The following LY75 variants were observed in gnomAD, a reference collection of about 807,000 sequenced individuals.
LY75 encodes the protein C-type lectin domain family 13 member B.
A neutral mutation model predicts 231.7 loss-of-function variants in LY75; 185 were observed. That is an observed-to-expected ratio of 0.80 (90% CI 0.71 to 0.90). LY75 has a LOEUF of 0.90. LY75 is among the 40% of genes least tolerant of loss of function. The probability of loss-of-function intolerance (pLI) is 0.00; values close to 1 mark genes in which losing one functional copy is unlikely to be tolerated. For synonymous variants in LY75, 668 were observed against 689.0 expected, an observed-to-expected ratio of 0.97 and a Z score of 0.48; for missense variants, 1,947 against 2,050.2, an observed-to-expected ratio of 0.95 and a Z score of 0.97.
intron 28 of LY75, among the ~76,000 whole-genome samples, chr2:159,824,219 C>T (rs1348413011): frequency 2.6e-5 from 4 of 152,092 alleles, no homozygotes; most frequent in African/African-American, 9.7e-5. Flanking sequence ...GGAGACCCAC[C>T]TCATGTGCAA....
At chr2:159,878,525 T>C (rs1560096780) in intron 10 of LY75, 32 bp from the exon 11 acceptor site, 2 of 1,613,042 alleles carry the variant, frequency 1.2e-6, no homozygotes, top group East Asian at 4.5e-5. Flanking sequence ...GGCAAGTGTT[T>C]CACAATGATT....
chr2:159,826,121 G>A (rs758140230), intron 28 of LY75, among the ~76,000 whole-genome samples: 4 of 152,236 alleles, frequency 2.6e-5, no homozygotes, highest in African/African-American at 4.8e-5. Flanking sequence ...TCTGGCAAGA[G>A]AAAGAAATGA....
chr2:159,894,214 G>A (rs1685843061), intron 2 of LY75, 130 bp from the exon 3 acceptor site: 24 of 1,163,336 alleles, frequency 2.1e-5, no homozygotes, highest in Non-Finnish European at 2.8e-5. Flanking sequence ...GGAATTCAGA[G>A]CATGGGTGCT....
rs570302389 is a variant in LY75 at position 159,842,062 on chromosome 2, A to G, written c.3280+183T>C. ...AATTTTTTCGGCTTTTATTTTAGAT[A>G]CAGGGGGTACATGTGTAGGATTGTT... On this transcript the variant is annotated intron_variant, in intron 24 of 34. Transcript: ENST00000263636. Among the ~76,000 whole-genome samples the G allele has an allele frequency of 2.0e-5, 3 of 152,220 alleles. 1 individual carries two copies. In the South Asian group the frequency reaches 6.2e-4, roughly 32 times the overall value.
In LY75 at chr2:159,815,589, T is replaced by C. The variant is rs1683100119; in HGVS notation, c.4381-16A>G. The C allele has an allele frequency of 6.2e-7, 1 of 1,605,596 alleles. No homozygotes were observed. Among genetic ancestry groups the C allele is most frequent in the African/African-American group, 1.3e-5 (1 of 74,400 alleles). On this transcript the variant is annotated splice_polypyrimidine_tract_variant and intron_variant, in intron 30 of 34. Coordinates refer to ENST00000263636, the MANE Select transcript of LY75 (RefSeq NM_002349.4). Reference sequence around the variant, plus strand: ...ATTCACTTCCCTGTTGTAAGAACAATAGAGATAACCTGAATCCAGATGTTT... The same window carrying C: ...ATTCACTTCCCTGTTGTAAGAACAACAGAGATAACCTGAATCCAGATGTTT...
chr2:159,827,082 C>G (rs148168730), intron 28 of LY75, among the ~76,000 whole-genome samples: 2 of 152,168 alleles, frequency 1.3e-5, no homozygotes, highest in East Asian at 3.9e-4. Flanking sequence ...CCAAAAGCAA[C>G]GGCAACAAAA....
At chr2:159,868,343 AAAAATTAAACATAGTACATTCT>A (rs1407898510) in intron 13 of LY75, among the ~76,000 whole-genome samples, 7 of 152,208 alleles carry the variant, frequency 4.6e-5, no homozygotes, top group African/African-American at 1.7e-4. Context: ...ATGATTAGAA[AAAAATTAAACATAGTACATTCT>A]ATGGAAAATA....
rs1266125515 is a variant in LY75 at position 159,898,918 on chromosome 2, T to C, written c.236A>G (p.His79Arg). ...WVSQHRLFHL[H>R]SQKCLGLDIT... ...ATCGAGGCCAAGGCACTTTTGGGAG[T>C]GCAAATGAAAGAGCCGATGCTGGGA... Residue 79 changes from histidine (H) to arginine (R), a missense_variant, in exon 2 of 35, where the codon CAC (histidine) becomes CGC (arginine). Transcript: ENST00000263636. The C allele has an allele frequency of 3.1e-6, 5 of 1,614,102 alleles. No individual in the cohort carries two copies. The highest frequency in any genetic ancestry group is 3.4e-6 in the Non-Finnish European group (4 of 1,180,034).
chr2:159,825,055 A>C (rs1404275757), intron 28 of LY75, among the ~76,000 whole-genome samples: 2 of 152,234 alleles, frequency 1.3e-5, no homozygotes, highest in Non-Finnish European at 2.9e-5. Flanking sequence ...GAAGTAGAGA[A>C]GCAACAGCAA....
intron 11 of LY75, among the ~76,000 whole-genome samples, chr2:159,877,027 A>AT (rs1281338371): frequency 2.0e-5 from 3 of 150,216 alleles, no homozygotes; most frequent in Non-Finnish European, 4.4e-5. Flanking sequence ...AAAAAAAAAA[A>AT]AAAAAAAGAA....
At chr2:159,853,564 T>G in intron 19 of LY75, 66 bp downstream of exon 19, 4 of 1,603,164 alleles carry the variant, frequency 2.5e-6, no homozygotes, top group Non-Finnish European at 3.4e-6. Context: ...AGAAATCCAT[T>G]TAGTAAAAGG....
intron 25 of LY75, 149 bp downstream of exon 25, chr2:159,840,580 A>G: frequency 7.7e-7 from 1 of 1,291,312 alleles, no homozygotes. Context: ...TCAAAACAAA[A>G]TTTAAAAACC....
At chr2:159,847,786 T>A (rs1225882746) in intron 23 of LY75, among the ~76,000 whole-genome samples, 2 of 152,126 alleles carry the variant, frequency 1.3e-5, no homozygotes, top group African/African-American at 4.8e-5. Context: ...AGCAAGTTGG[T>A]AATCAGAGCT....
chr2:159,903,006 C>G (rs1309377078), intron 1 of LY75: 2 of 152,298 alleles, frequency 1.3e-5, no homozygotes, highest in African/African-American at 4.8e-5. Flanking sequence ...AGCGGACACT[C>G]TTGCCAAACA....
intron 30 of LY75, among the ~76,000 whole-genome samples, chr2:159,816,160 A>AC (rs1163761642): frequency 6.6e-6 from 1 of 152,122 alleles, no homozygotes; most frequent in East Asian, 1.9e-4. Context: ...TAAAACTACA[A>AC]CTCTAGTCTC....
rs1383896164 is a variant in LY75 at position 159,904,619 on chromosome 2, A to G, written c.64T>C (p.Phe22Leu). 6.6e-7 allele frequency: 1 copy of G among 1,508,954 alleles called. No individual in the cohort carries two copies. Among genetic ancestry groups the G allele is most frequent in the Admixed American group, 2.1e-5 (1 of 46,774 alleles). 93.5% of individuals were successfully genotyped at this position (1,508,954 alleles called of 1,614,324 possible). The change falls in exon 1 of 35, where the codon TTC (phenylalanine) becomes CTC (leucine). Residue 22 changes from phenylalanine (F) to leucine (L), a missense_variant. Transcript: ENST00000263636. ...AGLLMLLFWF[F>L]DLAEPSGRAA... ...CGGCCAGAGGGCTCCGCGAGATCGA[A>G]GAACCAGAAGAGCAGCATGAGGAGC...
chr2:159,903,865 T>G (rs574150972), intron 1 of LY75, among the ~76,000 whole-genome samples: 17 of 152,318 alleles, frequency 1.1e-4, no homozygotes, highest in African/African-American at 3.8e-4. Context: ...ATGAAGGCTG[T>G]CTGTTTCTGG....
chr2:159,860,461 T>A (rs966546653), intron 15 of LY75, among the ~76,000 whole-genome samples: 3 of 152,148 alleles, frequency 2.0e-5, no homozygotes, highest in Non-Finnish European at 4.4e-5. Flanking sequence ...TGAAAAAACC[T>A]TACCCTATCC....
intron 1 of LY75, among the ~76,000 whole-genome samples, chr2:159,899,543 C>T (rs141930597): frequency 1.6e-4 from 25 of 152,292 alleles, no homozygotes; most frequent in African/African-American, 3.8e-4. Flanking sequence ...TTAGCTACTA[C>T]GGCAGGGTAA....
Sources: gnomAD v4.1 joint callset for allele counts (sites outside exome capture counted in the v4.1 genomes callset) on GRCh38, gnomAD v4.1.1 for gene constraint, MANE v1.5 for transcripts, NCBI Gene and HGNC (gene_info 2026-07-23, HGNC 2026-07-21) for gene names.